Variants in TRANK1 observed in about 807,000 individuals in gnomAD.
The protein encoded by TRANK1 is TPR and ankyrin repeat-containing protein 1.
Under a neutral mutation model 266.0 loss-of-function variants are expected in TRANK1, and 198 were observed. That is an observed-to-expected ratio of 0.74 (90% CI 0.66 to 0.84). TRANK1 has a LOEUF of 0.84. Ranked by LOEUF, TRANK1 falls within the 40% of genes least tolerant of loss-of-function variation. The probability of loss-of-function intolerance (pLI) is 0.00; values close to 1 mark genes in which losing one functional copy is unlikely to be tolerated. For synonymous variants in TRANK1, 1,396 were observed against 1,384.1 expected (o/e 1.01, Z -0.19); for missense variants, 3,326 against 3,634.6 (o/e 0.92, Z 2.18).
chr3:36,831,925 T>TA lies in TRANK1; in HGVS notation c.7657dup (p.Tyr2553LeufsTer6). 6.2e-7 allele frequency: 1 copy of TA among 1,613,964 alleles called. No individual in the cohort carries two copies. The highest frequency in any genetic ancestry group is 8.5e-7 in the Non-Finnish European group (1 of 1,179,876). On this transcript the variant is annotated frameshift_variant, in exon 22 of 24. Transcript: ENST00000645898. LOFTEE classifies it high-confidence loss of function. The surrounding 1 kb of genome is among the most constrained non-coding windows in gnomAD (Gnocchi z 5.0). ...CCGCTCAGCCTCACCCGAGACCACATAGTCTATTTCACTGAAGGCATCAAG... is the reference window on the plus strand; with the variant it reads ...CCGCTCAGCCTCACCCGAGACCACATAAGTCTATTTCACTGAAGGCATCAAG...
chr3:36,885,013 G>A (rs1014690599), intron 8 of TRANK1, among the ~76,000 whole-genome samples: 3 of 151,898 alleles, frequency 2.0e-5, no homozygotes, highest in African/African-American at 7.3e-5. Context: ...AAAGACCATA[G>A]TAATACCTGT....
Position 36,833,494 on chromosome 3 carries a change from G to C in TRANK1, c.6089C>G (p.Ala2030Gly), listed in dbSNP as rs761877142. Reference sequence around the variant, plus strand: ...TACCCCTTGCAGGAAGTGGGCCTCCGCAATGCCAGACAACTGGCCAGTTTG... The same window carrying C: ...TACCCCTTGCAGGAAGTGGGCCTCCCCAATGCCAGACAACTGGCCAGTTTG... ...CYQTGQLSGI[A>G]EAHFLQGVIL... Residue 2030 changes from alanine (A) to glycine (G), a missense_variant, in exon 22 of 24, where the codon GCG (alanine) becomes GGG (glycine). Physicochemically the swap from Ala to Gly is moderately conservative, Grantham distance 60. Transcript: ENST00000645898. 6.2e-7 allele frequency: 1 copy of C among 1,613,850 alleles called. No homozygotes were observed. The highest frequency in any genetic ancestry group is 1.3e-5 in the African/African-American group (1 of 75,046).
At chr3:36,886,873 T>A (rs1190695434) in intron 8 of TRANK1, among the ~76,000 whole-genome samples, 1 of 151,978 alleles carries the variant, frequency 6.6e-6, no homozygotes, top group African/African-American at 2.4e-5. Context: ...GATTTAAAAT[T>A]TTTCTTCCTT....
chr3:36,900,084 T>C (rs573531278), intron 3 of TRANK1, among the ~76,000 whole-genome samples: 1 of 152,342 alleles, frequency 6.6e-6, no homozygotes, highest in African/African-American at 2.4e-5. Flanking sequence ...GGTCTTGAAC[T>C]CCTGGCCTCA....
chr3:36,833,357 C>T lies in TRANK1; in HGVS notation c.6226G>A (p.Glu2076Lys), dbSNP rs973647781. 1.2e-6 allele frequency: 2 copies of T among 1,613,812 alleles called. No individual in the cohort carries two copies. Among genetic ancestry groups the T allele is most frequent in the South Asian group, 1.1e-5 (1 of 91,070 alleles). Reference sequence around the variant, plus strand: ...GCCAGGCCCAGAATCTTCTCAGGCTCGGCCTCACACTGGCTGGCTGCTTCG... The same window carrying T: ...GCCAGGCCCAGAATCTTCTCAGGCTTGGCCTCACACTGGCTGGCTGCTTCG... Reference protein sequence around the residue: ...LYEAASQCEAEPEKILGLAPG... With the variant: ...LYEAASQCEAKPEKILGLAPG... The change falls in exon 22 of 24, where the codon GAG becomes AAG. Residue 2076 changes from glutamate (E) to lysine (K), a missense_variant. Physicochemically the swap from Glu to Lys is moderately conservative, Grantham distance 56. Transcript: ENST00000645898.
intron 1 of TRANK1, among the ~76,000 whole-genome samples, chr3:36,916,777 CA>C (rs1339836570): frequency 2.0e-5 from 3 of 151,444 alleles, no homozygotes; most frequent in Non-Finnish European, 4.4e-5. Flanking sequence ...GCTTTGGTTT[CA>C]AATATAAATG....
At position 36,858,820 on chromosome 3, in the gene TRANK1, C is replaced by G; in HGVS notation, c.1570G>C (p.Ala524Pro). The G allele has an allele frequency of 1.3e-6, 2 of 1,537,254 alleles. No individual in the cohort carries two copies. The highest frequency in any genetic ancestry group is 1.7e-6 in the Non-Finnish European group (2 of 1,146,882). The change falls in exon 12 of 24, where the codon GCT becomes CCT. Residue 524 changes from alanine (A) to proline (P), a missense_variant. Ala to Pro is a conservative substitution (Grantham distance 27). Transcript: ENST00000645898. ...TCLKHEDFELAFLLLTKGADP... is the reference protein window; with the variant it reads ...TCLKHEDFELPFLLLTKGADP... The stretch of plus-strand genomic sequence containing the variant: ...GCGCCCTTGGTCAAGAGAAGGAAAG[C>G]CAACTCGAAGTCCTCATGTTTCAGG...
Position 36,857,588 on chromosome 3 carries a change from C to T in TRANK1, c.2134G>A (p.Gly712Ser), listed in dbSNP as rs1201477368. ...GGCTCCTTCCTGGTCACCTGGGTAC[C>T]TGGGAGAGTCTCCCAGCTGTCAGGG... ...AVPDSWETLP[G>S]TQVTRKEPGA... The change falls in exon 13 of 24, where the codon GGT becomes AGT. Residue 712 changes from glycine to serine, a missense_variant. Transcript: ENST00000645898. This position sits in a 1 kb window ranked among gnomAD's most constrained non-coding sequence, Gnocchi z 4.3. 1.9e-6 allele frequency: 3 copies of T among 1,613,908 alleles called. No individual in the cohort carries two copies. Among genetic ancestry groups the T allele is most frequent in the Non-Finnish European group, 2.5e-6 (3 of 1,179,904 alleles).
intron 4 of TRANK1, 71 bp from the exon 5 acceptor site, chr3:36,895,829 C>A: frequency 1.0e-6 from 1 of 971,082 alleles, no homozygotes; most frequent in Non-Finnish European, 1.5e-6. Flanking sequence ...AAAGGTCCTC[C>A]AATTAAGTTC....
chr3:36,904,467 C>T (rs1239545772), intron 2 of TRANK1, among the ~76,000 whole-genome samples: 1 of 151,568 alleles, frequency 6.6e-6, no homozygotes, highest in African/African-American at 2.4e-5. Context: ...TTTCAGTGAG[C>T]CAAGATCGCA....
chr3:36,906,040 T>A lies in TRANK1; in HGVS notation c.155+2283A>T, dbSNP rs573257745. ...GGAGCTGAGCTTTGAACACACATAG[T>A]GTGGGGTCAGTCTACAACCATAAAC... is the stretch of plus-strand genomic sequence containing the variant. On this transcript the variant is annotated intron_variant, in intron 2 of 23. Transcript: ENST00000645898. Among the ~76,000 whole-genome samples the A allele has an allele frequency of 5.9e-5, 9 of 152,246 alleles. No homozygotes were observed. The East Asian group carries it at 1.7e-3, about 29-fold the overall frequency.
At chr3:36,836,030 T>C (rs558543794) in intron 20 of TRANK1, among the ~76,000 whole-genome samples, 2 of 152,204 alleles carry the variant, frequency 1.3e-5, no homozygotes, top group African/African-American at 2.4e-5. Flanking sequence ...TCAACTTTAC[T>C]GACAATCAGA....
rs773328801 is a variant in TRANK1 at position 36,856,903 on chromosome 3, C to T, written c.2819G>A (p.Arg940Gln). 6 of 1,613,928 alleles carry T rather than the reference C, an allele frequency of 3.7e-6. No individual in the cohort carries two copies. The highest frequency in any genetic ancestry group is 4.5e-5 in the East Asian group (2 of 44,876). ...KSGRIYTEII[R>Q]IWDIVLDHCK... ...GTGATCTAAGACGATGTCCCAAATC[C>T]GGATGATTTCCGTGTAGATCCGCCC... Residue 940 changes from arginine to glutamine, a missense_variant, in exon 13 of 24, where the codon CGG becomes CAG. By Grantham distance (43) the Arg-to-Gln change is conservative (BLOSUM62 1). Transcript: ENST00000645898.
chr3:36,879,882 ATGTAAACATGCAAATATATGTAAACATG>A (rs2079481505), intron 8 of TRANK1, among the ~76,000 whole-genome samples: 1 of 90,144 alleles, frequency 1.1e-5, no homozygotes, highest in Admixed American at 1.4e-4. Context: ...ATACAAATAT[ATGTAAACATGCAAATATATGTAAACATG>A]CAAATATATG....
chr3:36,857,799 CAGAG>C lies in TRANK1; in HGVS notation c.1919_1922del (p.Ser640CysfsTer9). 1 of 1,614,014 alleles carries C rather than the reference CAGAG, an allele frequency of 6.2e-7. No homozygotes were observed. Among genetic ancestry groups the C allele is most frequent in the Non-Finnish European group, 8.5e-7 (1 of 1,179,902 alleles). On this transcript the variant is annotated frameshift_variant, in exon 13 of 24. Transcript: ENST00000645898. LOFTEE classifies it high-confidence loss of function. This position sits in a 1 kb window ranked among gnomAD's most constrained non-coding sequence, Gnocchi z 4.3. The stretch of plus-strand genomic sequence containing the variant: ...TCAGAGCTTTGTTCCAGGCCAAGAG[CAGAG>C]AGTCGTTCTTCTTAATCCGGTGCCG...
chr3:36,896,500 C>T lies in TRANK1; in HGVS notation c.434-742G>A, dbSNP rs142407563. ...TTTTCAAAATTTAGAAACTGGGCGA[C>T]GCCAATTTCTTTACCTTCCAAAAAG... On this transcript the variant is annotated intron_variant, in intron 4 of 23. Transcript: ENST00000645898. Among the ~76,000 whole-genome samples the T allele has an allele frequency of 5.3e-3, 801 of 152,290 alleles. 1 individual carries two copies. The highest frequency in any genetic ancestry group is 0.018 in the African/African-American group (755 of 41,558).
intron 8 of TRANK1, among the ~76,000 whole-genome samples, chr3:36,884,508 G>A (rs184485041): frequency 5.9e-5 from 9 of 152,252 alleles, no homozygotes; most frequent in Admixed American, 2.0e-4. Flanking sequence ...CTGGAGCAAC[G>A]TTAGCAACAA....
intron 1 of TRANK1, among the ~76,000 whole-genome samples, chr3:36,927,648 T>G (rs986033654): frequency 6.6e-6 from 1 of 152,232 alleles, no homozygotes; most frequent in African/African-American, 2.4e-5. Context: ...GAAATTCTTT[T>G]CTCTGCACGC....
At chr3:36,913,221 T>G (rs1216933108) in intron 1 of TRANK1, among the ~76,000 whole-genome samples, 1 of 152,106 alleles carries the variant, frequency 6.6e-6, no homozygotes, top group Admixed American at 6.6e-5. Context: ...CCAGCTAACT[T>G]TCTATATTTA....
Sources: allele counts gnomAD v4.1 joint callset (sites outside exome capture counted in the v4.1 genomes callset), GRCh38; gene constraint gnomAD v4.1.1; non-coding constraint Gnocchi (gnomAD v3.1); transcripts MANE v1.5; gene names NCBI Gene and HGNC (gene_info 2026-07-23, HGNC 2026-07-21).